The following TBC1D5 variants were observed in gnomAD, a reference collection of about 807,000 sequenced individuals.
TBC1D5 encodes TBC1 domain family, member 5.
A neutral mutation model predicts 100.3 loss-of-function variants in TBC1D5; 75 were observed. The ratio of observed to expected loss-of-function variants is 0.75; its 90% CI spans 0.62 to 0.91. TBC1D5 has a LOEUF of 0.91. TBC1D5 is among the 40% of genes least tolerant of loss of function. TBC1D5 has a pLI of 0.00. For missense variants in TBC1D5, 910 were observed against 942.4 expected, an observed-to-expected ratio of 0.97 and a Z score of 0.45; for synonymous variants, 323 against 325.6, an observed-to-expected ratio of 0.99 and a Z score of 0.09.
chr3:17,173,578 A>G (rs1402539699), intron 19 of TBC1D5, among the ~76,000 whole-genome samples: 1 of 152,182 alleles, frequency 6.6e-6, no homozygotes, highest in Non-Finnish European at 1.5e-5. Context: ...GGTTGCTGAG[A>G]GGATTAGATG....
intron 2 of TBC1D5, among the ~76,000 whole-genome samples, chr3:17,530,878 T>C (rs925886276): frequency 6.6e-6 from 1 of 152,196 alleles, no homozygotes; most frequent in African/African-American, 2.4e-5. Flanking sequence ...GCCAATATCA[T>C]ACCGAATGGA....
chr3:17,325,590 G>C (rs1351972080), intron 13 of TBC1D5, among the ~76,000 whole-genome samples: 2 of 152,074 alleles, frequency 1.3e-5, no homozygotes, highest in African/African-American at 4.8e-5. Context: ...CCAAAGTGCT[G>C]GGATTACAGG....
intron 9 of TBC1D5, among the ~76,000 whole-genome samples, chr3:17,378,981 T>C (rs540765921): frequency 6.6e-6 from 1 of 151,896 alleles, no homozygotes; most frequent in Non-Finnish European, 1.5e-5. Flanking sequence ...TTAGCTTACA[T>C]TTTTTCCAGG....
chr3:17,538,989 C>T (rs1030630695), intron 2 of TBC1D5, among the ~76,000 whole-genome samples: 13 of 152,136 alleles, frequency 8.5e-5, no homozygotes, highest in African/African-American at 3.1e-4. Flanking sequence ...CAAGACCAGC[C>T]TGGCCAACAT....
chr3:17,739,557 T>A (rs2077229971), exon 1 of TBC1D5: 1 of 152,184 alleles, frequency 6.6e-6, no homozygotes, highest in African/African-American at 2.4e-5. Flanking sequence ...TAAAAAACTT[T>A]CAGAGGAAGT....
At chr3:17,507,581 A>C (rs2095857284) in intron 3 of TBC1D5, among the ~76,000 whole-genome samples, 1 of 152,246 alleles carries the variant, frequency 6.6e-6, no homozygotes, top group Non-Finnish European at 1.5e-5. Flanking sequence ...CAGTATAAAC[A>C]GAAAAAATCA....
intron 2 of TBC1D5, among the ~76,000 whole-genome samples, chr3:17,564,656 G>A (rs2096582561): frequency 6.6e-6 from 1 of 152,128 alleles, no homozygotes; most frequent in African/African-American, 2.4e-5. Flanking sequence ...CACCATGCTA[G>A]TTGATGCCCT....
chr3:17,219,495 CATACCTT>C (rs2074040431), intron 17 of TBC1D5, among the ~76,000 whole-genome samples: 1 of 150,054 alleles, frequency 6.7e-6, no homozygotes, highest in African/African-American at 2.4e-5. Flanking sequence ...TTTTTTTCCT[CATACCTT>C]ATACTTTTAT....
rs563560442 is a variant in TBC1D5, at chr3:17,701,625, C to CT, written c.-101+37717dup. 2.5e-3 allele frequency among the ~76,000 whole-genome samples: 374 copies of CT among 149,004 alleles called. 2 individuals are homozygous for CT. Among genetic ancestry groups the CT allele is most frequent in the Non-Finnish European group, 4.1e-3 (274 of 66,982 alleles). On this transcript the variant is annotated intron_variant, in intron 1 of 21. Transcript: ENST00000253692. ...ACTCCAATCTGGGCAACAAAAAAGA[C>CT]TTTTTTTTTTAAACAAAGAATATAA...
At chr3:17,624,256 C>A (rs2062891381) in intron 1 of TBC1D5, among the ~76,000 whole-genome samples, 2 of 152,164 alleles carry the variant, frequency 1.3e-5, no homozygotes, top group South Asian at 4.1e-4. Context: ...TGATATTAAA[C>A]ACTGAGATTT....
chr3:17,350,700 A>T (rs2090468340), intron 13 of TBC1D5, among the ~76,000 whole-genome samples: 1 of 151,726 alleles, frequency 6.6e-6, no homozygotes, highest in Non-Finnish European at 1.5e-5. Context: ...TTTCAATAAA[A>T]GATGCCACAG....
At chr3:17,483,513 A>C (rs2095524502) in intron 3 of TBC1D5, among the ~76,000 whole-genome samples, 1 of 152,152 alleles carries the variant, frequency 6.6e-6, no homozygotes, top group South Asian at 2.1e-4. Flanking sequence ...CAAAATTTCT[A>C]CTCAGCTTTG....
In TBC1D5 at chr3:17,262,521, G is replaced by A. The variant is rs931179737; in HGVS notation, c.1246-3930C>T. Reference sequence around the variant, plus strand: ...TTTTGAGACAGGGTCTTGCTCTGTCGCCCAGGTTGGAGTGCAGTGGCGCGA... The same window carrying A: ...TTTTGAGACAGGGTCTTGCTCTGTCACCCAGGTTGGAGTGCAGTGGCGCGA... On this transcript the variant is annotated intron_variant, in intron 15 of 21. Transcript: ENST00000253692. Among the ~76,000 whole-genome samples, 55 of 131,082 alleles carry A rather than the reference G, an allele frequency of 4.2e-4. 1 individual carries two copies. The highest frequency in any genetic ancestry group is 7.2e-4 in the Non-Finnish European group (46 of 64,330). 86.0% of individuals were successfully genotyped at this position (131,082 alleles called of 152,430 possible). A position where few individuals can be genotyped will look rare whatever the true frequency, so the allele number is the denominator to read the frequency against.
chr3:17,334,840 G>C (rs531049818), intron 13 of TBC1D5, among the ~76,000 whole-genome samples: 1 of 152,152 alleles, frequency 6.6e-6, no homozygotes, highest in East Asian at 1.9e-4. Flanking sequence ...TTGCAGTTGA[G>C]AACTTTTTAA....
At chr3:17,226,863 A>C (rs1035278894) in intron 17 of TBC1D5, among the ~76,000 whole-genome samples, 6 of 152,206 alleles carry the variant, frequency 3.9e-5, no homozygotes, top group Admixed American at 3.9e-4. Context: ...TCTTAAATAC[A>C]TTAAATATAG....
At chr3:17,415,142 CTCT>C (rs2094032828) in intron 4 of TBC1D5, among the ~76,000 whole-genome samples, 1 of 151,962 alleles carries the variant, frequency 6.6e-6, no homozygotes, top group African/African-American at 2.4e-5. Context: ...AAATATAATA[CTCT>C]CCTTTTTATT....
intron 3 of TBC1D5, among the ~76,000 whole-genome samples, chr3:17,494,256 T>C (rs1282148637): frequency 6.6e-6 from 1 of 152,172 alleles, no homozygotes. Context: ...CACTGGAGAC[T>C]GCAGAACAGC....
intron 2 of TBC1D5, among the ~76,000 whole-genome samples, chr3:17,568,421 T>C (rs188625916): frequency 1.5e-4 from 22 of 151,608 alleles, no homozygotes; most frequent in African/African-American, 4.8e-4. Flanking sequence ...TTAAATATTA[T>C]TTTGTTAAGC....
intron 2 of TBC1D5, among the ~76,000 whole-genome samples, chr3:17,537,461 CCT>C (rs1351982536): frequency 1.3e-5 from 2 of 152,132 alleles, no homozygotes; most frequent in African/African-American, 2.4e-5. Context: ...TTCTGGTTCC[CCT>C]GAGGCCAGTT....
Sources: allele counts gnomAD v4.1 joint callset (sites outside exome capture counted in the v4.1 genomes callset), GRCh38; gene constraint gnomAD v4.1.1; transcripts MANE v1.5; gene names NCBI Gene and HGNC (gene_info 2026-07-23, HGNC 2026-07-21).